The following ARHGAP20 variants were observed in gnomAD, a reference collection of about 807,000 sequenced individuals.
ARHGAP20 encodes rho GTPase-activating protein 20.
In ARHGAP20, 34 loss-of-function variants were observed where a neutral mutation model predicts 73.7. The observed-to-expected ratio is 0.46, with a 90% CI of 0.35 to 0.61. ARHGAP20 has a LOEUF of 0.61. Ranked by LOEUF, ARHGAP20 falls within the 20% of genes least tolerant of loss-of-function variation. The pLI is 0.00. For synonymous variants in ARHGAP20, 523 were observed against 518.2 expected, an observed-to-expected ratio of 1.01 and a Z score of -0.13; for missense variants, 1,314 against 1,420.9, an observed-to-expected ratio of 0.92 and a Z score of 1.21.
chr11:110,620,556 A>G (rs1948606937), intron 4 of ARHGAP20, among the ~76,000 whole-genome samples: 3 of 152,046 alleles, frequency 2.0e-5, no homozygotes, highest in South Asian at 4.2e-4. Flanking sequence ...TTTCCCTAAC[A>G]TTTCCAATGA....
chr11:110,692,700 AAG>A lies in ARHGAP20; in HGVS notation c.106-2073_106-2072del, dbSNP rs761256409. On this transcript the variant is annotated intron_variant, in intron 1 of 14. Coordinates refer to ENST00000683387, the MANE Select transcript of ARHGAP20 (RefSeq NM_001384657.1). The stretch of plus-strand genomic sequence containing the variant: ...TAAAATGACTTAAAATGTGAAGAAA[AAG>A]AGCCTATGAAACAGGATAAAATGAT... Among the ~76,000 whole-genome samples, 79 of 152,230 alleles carry A rather than the reference AAG, an allele frequency of 5.2e-4. 1 individual carries two copies. Among genetic ancestry groups the A allele is most frequent in the Non-Finnish European group, 9.7e-4 (66 of 67,992 alleles).
At chr11:110,629,987 A>G (rs556866999) in intron 3 of ARHGAP20, among the ~76,000 whole-genome samples, 100 of 152,362 alleles carry the variant, frequency 6.6e-4, no homozygotes, top group African/African-American at 2.3e-3. Flanking sequence ...ATGGCAATAG[A>G]TAATCAATAT....
At chr11:110,645,198 C>A (rs139035231) in intron 2 of ARHGAP20, among the ~76,000 whole-genome samples, 3 of 151,856 alleles carry the variant, frequency 2.0e-5, no homozygotes, top group African/African-American at 4.8e-5. Flanking sequence ...TTAGTAGAGA[C>A]GGGGTTTCAC....
At chr11:110,691,659 C>T (rs1950244429) in intron 1 of ARHGAP20, among the ~76,000 whole-genome samples, 1 of 152,098 alleles carries the variant, frequency 6.6e-6, no homozygotes, top group Admixed American at 6.6e-5. Context: ...AAGAATCATC[C>T]AGTGAGAAGA....
intron 1 of ARHGAP20, chr11:110,711,611 G>A: frequency 1.3e-6 from 2 of 1,486,414 alleles, no homozygotes; most frequent in Non-Finnish European, 1.8e-6. Flanking sequence ...GCCTCGGCGG[G>A]CAGGTGAGGG....
intron 12 of ARHGAP20, among the ~76,000 whole-genome samples, chr11:110,585,035 G>GAGTATATA (rs1947612822): frequency 1.8e-5 from 1 of 54,222 alleles, no homozygotes; most frequent in Admixed American, 2.3e-4. Flanking sequence ...GTGAATATAT[G>GAGTATATA]TGAATATATA....
chr11:110,687,947 C>A (rs1289821989), intron 2 of ARHGAP20, among the ~76,000 whole-genome samples: 2 of 152,144 alleles, frequency 1.3e-5, no homozygotes, highest in Non-Finnish European at 2.9e-5. Flanking sequence ...TGGTTCCAAA[C>A]AATACAAAGT....
intron 1 of ARHGAP20, among the ~76,000 whole-genome samples, chr11:110,710,846 A>G (rs1172202215): frequency 1.3e-5 from 2 of 152,226 alleles, no homozygotes; most frequent in African/African-American, 4.8e-5. Context: ...GATTTATGAA[A>G]GGCAGTAAAA....
chr11:110,583,951 C>T (rs531294104), intron 12 of ARHGAP20, among the ~76,000 whole-genome samples: 1 of 152,078 alleles, frequency 6.6e-6, no homozygotes, highest in Admixed American at 6.5e-5. Flanking sequence ...TGTATATTGT[C>T]TTCACATCTC....
At chr11:110,691,051 G>T in intron 1 of ARHGAP20, 1 of 1,469,352 alleles carries the variant, frequency 6.8e-7, no homozygotes, top group Non-Finnish European at 9.1e-7. Flanking sequence ...TTCAAGAAAA[G>T]ACAAGTAAAG....
At chr11:110,615,663 T>C in intron 4 of ARHGAP20, 69 bp from the exon 5 acceptor site, 1 of 1,391,940 alleles carries the variant, frequency 7.2e-7, no homozygotes, top group Non-Finnish European at 1.0e-6. Flanking sequence ...GATTTAGGAT[T>C]GTCAATCCAG....
intron 1 of ARHGAP20, among the ~76,000 whole-genome samples, chr11:110,705,572 T>C (rs1026819082): frequency 6.6e-6 from 1 of 152,222 alleles, no homozygotes; most frequent in Non-Finnish European, 1.5e-5. Context: ...TTTATAAAAC[T>C]ATAATTTATT....
In ARHGAP20 at chr11:110,580,648, A is replaced by G. The variant is rs1565417795; in HGVS notation, c.2298T>C (p.Asp766=). 18 of 1,614,086 alleles carry G rather than the reference A, an allele frequency of 1.1e-5. No homozygotes were observed. The highest frequency in any genetic ancestry group is 1.4e-5 in the Non-Finnish European group (16 of 1,180,040). ...CFKQSLVTGT[D]VSKKNATTQN... ...GAGTAGTGGCATTTTTCTTGCTGAC[A>G]TCAGTGCCTGTGACTAAACTCTGTT... Residue 766 remains aspartate (D), a synonymous_variant, in exon 15 of 15, where the codon GAT becomes GAC. Transcript: ENST00000683387.
Position 110,578,997 on chromosome 11 carries a change from T to C in ARHGAP20, c.*373A>G, listed in dbSNP as rs542013808. ...TTCTCTGTACCCTTCCCCTCTCTCC[T>C]CAGGCCCCTATTCCTCATTCCTGAT... On this transcript the variant is annotated 3_prime_UTR_variant, in exon 15 of 15. Transcript: ENST00000683387. 1,359 of 995,824 alleles carry C rather than the reference T, an allele frequency of 1.4e-3. No individual in the cohort carries two copies. The highest frequency in any genetic ancestry group is 1.6e-3 in the Non-Finnish European group (1,322 of 835,632). The allele number at this position is 995,824 out of a possible 1,614,324, so 61.7% of individuals were successfully genotyped here. A position where few individuals can be genotyped will look rare whatever the true frequency, so the allele number is the denominator to read the frequency against.
At chr11:110,685,536 C>T (rs113713410) in intron 2 of ARHGAP20, among the ~76,000 whole-genome samples, 6 of 152,100 alleles carry the variant, frequency 3.9e-5, no homozygotes, top group Non-Finnish European at 8.8e-5. Context: ...TCCTTATGTA[C>T]TCTAAGCATT....
At chr11:110,678,218 A>C (rs535269219) in intron 2 of ARHGAP20, among the ~76,000 whole-genome samples, 1 of 152,316 alleles carries the variant, frequency 6.6e-6, no homozygotes, top group African/African-American at 2.4e-5. Flanking sequence ...GTGGAAGTGC[A>C]GCAGGAGAGA....
chr11:110,652,316 A>G (rs1176444104), intron 2 of ARHGAP20, among the ~76,000 whole-genome samples: 1 of 152,172 alleles, frequency 6.6e-6, no homozygotes, highest in Admixed American at 6.5e-5. Flanking sequence ...ATTCCTTTGG[A>G]AAACCAGCAC....
Position 110,579,912 on chromosome 11 carries a change from G to A in ARHGAP20, c.3034C>T (p.Arg1012Cys), listed in dbSNP as rs771273556. The A allele has an allele frequency of 6.2e-6, 10 of 1,614,102 alleles. No homozygotes were observed. Among genetic ancestry groups the A allele is most frequent in the East Asian group, 4.5e-5 (2 of 44,894 alleles). The change falls in exon 15 of 15, where the codon CGC becomes TGC. Residue 1012 changes from arginine to cysteine, a missense_variant. By Grantham distance (180) the Arg-to-Cys change is radical (BLOSUM62 -3). Coordinates refer to ENST00000683387, the MANE Select transcript of ARHGAP20 (RefSeq NM_001384657.1). The stretch of plus-strand genomic sequence containing the variant: ...GTGTCCTTCTTTGTATAGGCTGGGC[G>A]GCTGCAAGCCTGCCCTGATGAGGGA... ...PGPSSGQACS[R>C]PAYTKKDTME...
intron 14 of ARHGAP20, 92 bp downstream of exon 14, chr11:110,582,229 G>T: frequency 9.6e-7 from 1 of 1,047,108 alleles, no homozygotes; most frequent in Non-Finnish European, 1.5e-6. Context: ...CACTTCAGCT[G>T]CTGTGGGCTC....
Sources: gnomAD v4.1 joint callset for allele counts (sites outside exome capture counted in the v4.1 genomes callset) on GRCh38, gnomAD v4.1.1 for gene constraint, MANE v1.5 for transcripts, NCBI Gene and HGNC (gene_info 2026-07-23, HGNC 2026-07-21) for gene names.